PARP1: variants seen among roughly 807,000 people sequenced by gnomAD.
PARP1 encodes poly(ADP-ribose) polymerase 1.
Under a neutral mutation model 118.7 loss-of-function variants are expected in PARP1, and 44 were observed. That is an observed-to-expected ratio of 0.37 (90% CI 0.29 to 0.48). The LOEUF (loss-of-function observed/expected upper bound fraction) is 0.48. Among genes scored for constraint, PARP1 ranks in the 20% least tolerant of loss-of-function variants. The pLI, the probability that PARP1 is intolerant of heterozygous loss-of-function variation, is 0.99. For missense variants in PARP1, 1,100 were observed against 1,272.4 expected (o/e 0.86, Z 2.06); for synonymous variants, 492 against 483.2 (o/e 1.02, Z -0.24).
In PARP1 at chr1:226,392,318, G is replaced by A. The variant is rs1664836020; in HGVS notation, c.287-4C>T. 1 of 1,608,234 alleles carries A rather than the reference G, an allele frequency of 6.2e-7. No individual in the cohort carries two copies. Among genetic ancestry groups the A allele is most frequent in the Admixed American group, 1.7e-5 (1 of 59,988 alleles). On this transcript the variant is annotated splice_polypyrimidine_tract_variant and splice_region_variant and intron_variant, in intron 2 of 22. Transcript: ENST00000366794. Reference sequence around the variant, plus strand: ...CCAATTCCATCCTGGCCTTTGCCTGGAGAATCAAACAGACAGCAATGCTCA... The same window carrying A: ...CCAATTCCATCCTGGCCTTTGCCTGAAGAATCAAACAGACAGCAATGCTCA...
At chr1:226,386,487 G>A (rs1284608037) in intron 5 of PARP1, 45 bp from the exon 6 acceptor site, 1 of 1,262,600 alleles carries the variant, frequency 7.9e-7, no homozygotes, top group Non-Finnish European at 1.2e-6. Flanking sequence ...CTTTTCAAAG[G>A]AAGAATCCAA....
At chr1:226,362,243 T>A (rs570365580) in intron 21 of PARP1, 160 bp from the exon 22 acceptor site, 1 of 607,762 alleles carries the variant, frequency 1.6e-6, no homozygotes, top group Non-Finnish European at 2.9e-6. Context: ...CGGAGTGCAA[T>A]GGTGTGACTT....
chr1:226,371,966 T>C (rs771594574), intron 14 of PARP1, among the ~76,000 whole-genome samples: 1 of 152,172 alleles, frequency 6.6e-6, no homozygotes, highest in African/African-American at 2.4e-5. Context: ...GAGCAGTGGC[T>C]CCACAGCTGC....
chr1:226,399,979 G>A (rs767001824), intron 2 of PARP1, among the ~76,000 whole-genome samples: 4 of 152,118 alleles, frequency 2.6e-5, no homozygotes, highest in African/African-American at 9.7e-5. Context: ...CCCCAGCTTG[G>A]GTGACAGAGC....
At chr1:226,361,654 G>A (rs929046696) in intron 22 of PARP1, 113 bp from the exon 23 acceptor site, 1 of 810,948 alleles carries the variant, frequency 1.2e-6, no homozygotes, top group Non-Finnish European at 2.2e-6. Context: ...GTCACTCTAA[G>A]GCCTCTTCAT....
chr1:226,381,270 G>C, intron 8 of PARP1, 62 bp from the exon 9 acceptor site: 3 of 1,598,512 alleles, frequency 1.9e-6, no homozygotes, highest in Non-Finnish European at 1.7e-6. Context: ...CCAGTAAGGG[G>C]AGGTGGAGGA....
rs1664131279 is a variant in PARP1 at position 226,361,311 on chromosome 1, C to A, written c.*149G>T. On this transcript the variant is annotated 3_prime_UTR_variant, in exon 23 of 23. Coordinates refer to ENST00000366794, the MANE Select transcript of PARP1 (RefSeq NM_001618.4). ...AAGGGACTTGAGAAGTTAGAGAAAA[C>A]CTTTAACACGTTTCTGTAAAATCCT... is the stretch of plus-strand genomic sequence containing the variant. 1.4e-6 allele frequency: 1 copy of A among 705,834 alleles called. No individual in the cohort carries two copies. 43.7% of individuals were successfully genotyped at this position (705,834 alleles called of 1,614,324 possible).
intron 2 of PARP1, among the ~76,000 whole-genome samples, chr1:226,393,427 T>C (rs1664856509): frequency 6.6e-6 from 1 of 152,222 alleles, no homozygotes; most frequent in Admixed American, 6.5e-5. Flanking sequence ...ATCAAATTCC[T>C]AGCAGCTGTA....
At chr1:226,386,290 C>T in intron 6 of PARP1, 36 bp downstream of exon 6, 1 of 1,310,416 alleles carries the variant, frequency 7.6e-7, no homozygotes, top group Non-Finnish European at 1.1e-6. Flanking sequence ...GGGTCGGCCT[C>T]ACATGCGTGT....
chr1:226,390,291 C>T, intron 4 of PARP1, 119 bp downstream of exon 4: 1 of 897,578 alleles, frequency 1.1e-6, no homozygotes, highest in South Asian at 1.4e-5. Context: ...TTGCATCTCC[C>T]TGGCTTACTG....
chr1:226,405,334 G>A (rs1037020111), intron 1 of PARP1, among the ~76,000 whole-genome samples: 9 of 151,790 alleles, frequency 5.9e-5, no homozygotes, highest in African/African-American at 2.2e-4. Flanking sequence ...GTCTGGGTCT[G>A]GGTCTGTCGC....
intron 1 of PARP1, 70 bp downstream of exon 1, chr1:226,407,740 C>G: frequency 6.6e-7 from 1 of 1,511,644 alleles, no homozygotes; most frequent in East Asian, 2.6e-5. Context: ...CCGCCCTCCC[C>G]CAGCCTTCCC....
chr1:226,392,514 C>T, intron 2 of PARP1, 200 bp from the exon 3 acceptor site: 1 of 606,882 alleles, frequency 1.6e-6, no homozygotes, highest in African/African-American at 1.8e-5. Context: ...GATAAATGAC[C>T]CTTCTCAGAC....
intron 14 of PARP1, among the ~76,000 whole-genome samples, chr1:226,371,320 G>C (rs758533884): frequency 5.3e-5 from 8 of 152,194 alleles, no homozygotes; most frequent in Non-Finnish European, 7.3e-5. Flanking sequence ...GAGCTCCCTG[G>C]GGGCCGTGAC....
chr1:226,393,143 G>A (rs974061701), intron 2 of PARP1, among the ~76,000 whole-genome samples: 24 of 152,180 alleles, frequency 1.6e-4, no homozygotes, highest in Non-Finnish European at 3.4e-4. Flanking sequence ...TAGCAAATAC[G>A]CAGGGCACAC....
chr1:226,388,837 A>G (rs993452180), intron 4 of PARP1, 82 bp from the exon 5 acceptor site: 2 of 1,038,906 alleles, frequency 1.9e-6, no homozygotes, highest in African/African-American at 3.1e-5. Flanking sequence ...GCAGTATCTT[A>G]ATGTCATTCT....
intron 17 of PARP1, chr1:226,367,101 A>C (rs1247244776): frequency 2.3e-5 from 7 of 306,210 alleles, no homozygotes; most frequent in South Asian, 1.9e-4. Context: ...CACCGGTAAT[A>C]AGTCTTCTAA....
chr1:226,388,889 A>G, intron 4 of PARP1, 134 bp from the exon 5 acceptor site: 1 of 757,402 alleles, frequency 1.3e-6, no homozygotes, highest in South Asian at 1.4e-5. Context: ...TCACTCCCTA[A>G]CCCCTGCCCC....
At chr1:226,361,906 T>C in intron 22 of PARP1, 63 bp downstream of exon 22, 1 of 986,632 alleles carries the variant, frequency 1.0e-6, no homozygotes, top group South Asian at 1.3e-5. Context: ...TGACAGCACA[T>C]AAGTGACTCT....
Sources: allele counts gnomAD v4.1 joint callset (sites outside exome capture counted in the v4.1 genomes callset), GRCh38; gene constraint gnomAD v4.1.1; transcripts MANE v1.5; gene names NCBI Gene and HGNC (gene_info 2026-07-23, HGNC 2026-07-21).